Variants in YAE1 observed in about 807,000 individuals in gnomAD.
YAE1 encodes YAE1 maturation factor of ABCE1, also known as protein YAE1 homolog.
In YAE1, 22 loss-of-function variants were observed where a neutral mutation model predicts 23.0. That is an observed-to-expected ratio of 0.96 (90% confidence interval 0.68 to 1.37). YAE1 has a LOEUF of 1.37. YAE1 is among the 40% of genes most tolerant of loss of function. The pLI is 0.00. For synonymous variants in YAE1, 101 were observed against 97.0 expected (o/e 1.04, Z -0.24); for missense variants, 260 against 262.1 (o/e 0.99, Z 0.06).
At chr7:39,599,512 C>CT (rs201073256) in intron 2 of YAE1, among the ~76,000 whole-genome samples, 1,667 of 151,914 alleles carry the variant, frequency 0.011, 37 homozygotes, top group South Asian at 0.012. Context: ...AGAGCTGGGA[C>CT]TATAGGCATG....
At chr7:39,582,175 C>T (rs901335468) in intron 2 of YAE1, among the ~76,000 whole-genome samples, 4 of 151,656 alleles carry the variant, frequency 2.6e-5, no homozygotes, top group Non-Finnish European at 5.9e-5. Flanking sequence ...TATACCATGC[C>T]GGGCTAATTT....
chr7:39,591,504 A>T (rs1450109762), intron 2 of YAE1, among the ~76,000 whole-genome samples: 1 of 151,792 alleles, frequency 6.6e-6, no homozygotes, highest in Non-Finnish European at 1.5e-5. Context: ...TTCTTGAAGG[A>T]TTTTTTAAAA....
downstream of YAE1, among the ~76,000 whole-genome samples, chr7:39,611,451 G>C (rs896877307): frequency 2.6e-5 from 4 of 152,244 alleles, no homozygotes; most frequent in Non-Finnish European, 4.4e-5. Context: ...GCATAAGGTA[G>C]GTGAGTGCTG....
intron 2 of YAE1, among the ~76,000 whole-genome samples, chr7:39,587,359 G>A (rs1790835313): frequency 6.6e-6 from 1 of 151,762 alleles, no homozygotes; most frequent in African/African-American, 2.4e-5. Context: ...CTGGGCAACA[G>A]AGCGAGACTC....
At chr7:39,581,745 C>A (rs1790745462) in intron 2 of YAE1, among the ~76,000 whole-genome samples, 1 of 151,764 alleles carries the variant, frequency 6.6e-6, no homozygotes, top group Non-Finnish European at 1.5e-5. Context: ...GTAGTGCACA[C>A]CTATGGTCCC....
chr7:39,570,057 T>C, intron 1 of YAE1: 1 of 1,288,022 alleles, frequency 7.8e-7, no homozygotes, highest in Non-Finnish European at 1.1e-6. Flanking sequence ...AATTGTATCA[T>C]CCAGCCTCCT....
Position 39,570,623 on chromosome 7 carries a change from T to C in YAE1, c.247T>C (p.Leu83=), listed in dbSNP as rs754749686. The change falls in exon 2 of 3, where the codon TTG becomes CTG. Residue 83 remains leucine (L), a synonymous_variant. Transcript: ENST00000223273. ...ILNYGRLRGT[L]SALLSWCHLH... is the part of the protein sequence containing the mutation. ...AAACTATGGACGACTCCGAGGAACA[T>C]TGAGGTAATTTTTAAAGTCTAAATG... 3.6e-5 allele frequency: 58 copies of C among 1,590,340 alleles called. No homozygotes were observed. The Admixed American group carries it at 3.7e-4, about 10-fold the overall frequency.
chr7:39,575,575 A>AGTGAGTGAGT, downstream of YAE1, among the ~76,000 whole-genome samples: 1 of 81,790 alleles, frequency 1.2e-5, no homozygotes, highest in African/African-American at 7.3e-5. Flanking sequence ...AGAGAGAGAG[A>AGTGAGTGAGT]GAGTGAGTGT....
downstream of YAE1, among the ~76,000 whole-genome samples, chr7:39,574,203 G>A (rs1790619194): frequency 6.6e-6 from 1 of 152,154 alleles, no homozygotes. Context: ...GGCTACATAT[G>A]GTGTGTTTGT....
intron 1 of YAE1, among the ~76,000 whole-genome samples, chr7:39,567,904 T>G (rs1330847362): frequency 6.6e-6 from 1 of 152,180 alleles, no homozygotes; most frequent in East Asian, 1.9e-4. Flanking sequence ...GTGAAAACTA[T>G]GTATGCCCTT....
chr7:39,572,412 T>C lies in YAE1; in HGVS notation c.387T>C (p.His129=). Residue 129 remains histidine (H), a synonymous_variant, in exon 3 of 3, where the codon CAT becomes CAC. Coordinates refer to ENST00000223273, the MANE Select transcript of YAE1 (RefSeq NM_020192.5). Reference sequence around the variant, plus strand: ...TGAAATCAATCACTCCACCGTCCCATGTTGTAGATTTATTGGACTCCATTG... The same window carrying C: ...TGAAATCAATCACTCCACCGTCCCACGTTGTAGATTTATTGGACTCCATTG... The part of the protein sequence containing the change: ...KHLKSITPPS[H]VVDLLDSIED... The C allele has an allele frequency of 1.2e-6, 2 of 1,614,136 alleles. No homozygotes were observed. The highest frequency in any genetic ancestry group is 1.7e-6 in the Non-Finnish European group (2 of 1,179,984).
chr7:39,569,939 C>T (rs1320021330), intron 1 of YAE1: 1 of 1,325,948 alleles, frequency 7.5e-7, no homozygotes, highest in Non-Finnish European at 1.1e-6. Context: ...GTCCTGGCTG[C>T]TCTGTGACAT....
Position 39,609,898 on chromosome 7 carries a change from GC to G in YAE1, c.537del (p.Ala180ProfsTer32). On this transcript the variant is annotated frameshift_variant, in exon 3 of 3. Coordinates refer to the YAE1 transcript ENST00000432096. LOFTEE classifies it low-confidence loss of function (END_TRUNC). ...CCCCACCGCGACCCTGCAGCAGCCT[GC>G]CCCGCCTGGCCGCCAGAGGCACCTT... The G allele has an allele frequency of 6.5e-7, 1 of 1,531,290 alleles. No homozygotes were observed. Among genetic ancestry groups the G allele is most frequent in the Non-Finnish European group, 8.7e-7 (1 of 1,144,812 alleles). The allele number at this position is 1,531,290 out of a possible 1,614,324, so 94.9% of individuals were successfully genotyped here. A position where few individuals can be genotyped will look rare whatever the true frequency, so the allele number is the denominator to read the frequency against.
downstream of YAE1, among the ~76,000 whole-genome samples, chr7:39,611,437 G>A (rs560401722): frequency 7.9e-4 from 121 of 152,340 alleles, no homozygotes; most frequent in Non-Finnish European, 1.5e-3. Context: ...GAGTTTGCTC[G>A]GGGGCATAAG....
downstream of YAE1, among the ~76,000 whole-genome samples, chr7:39,610,946 G>A (rs989486629): frequency 5.3e-5 from 8 of 152,060 alleles, no homozygotes; most frequent in African/African-American, 1.4e-4. Flanking sequence ...AGGAGAGTTC[G>A]TGATCAGCCT....
At chr7:39,601,990 C>G (rs1387676524) in intron 2 of YAE1, among the ~76,000 whole-genome samples, 1 of 151,918 alleles carries the variant, frequency 6.6e-6, no homozygotes, top group Admixed American at 6.6e-5. Context: ...TCAATAGGTA[C>G]TGAATGGATG....
chr7:39,600,180 G>T (rs1351942667), intron 2 of YAE1, among the ~76,000 whole-genome samples: 1 of 152,096 alleles, frequency 6.6e-6, no homozygotes, highest in Non-Finnish European at 1.5e-5. Context: ...GGAAATAGAA[G>T]AACCACTAAT....
intron 1 of YAE1, among the ~76,000 whole-genome samples, chr7:39,567,844 A>C (rs772791703): frequency 6.6e-5 from 10 of 152,218 alleles, no homozygotes; most frequent in Non-Finnish European, 1.3e-4. Flanking sequence ...TGTCTACTAC[A>C]TAATGGTCAG....
At chr7:39,567,777 A>T (rs1762728830) in intron 1 of YAE1, among the ~76,000 whole-genome samples, 1 of 152,192 alleles carries the variant, frequency 6.6e-6, no homozygotes, top group African/African-American at 2.4e-5. Context: ...ATGCTACTAT[A>T]AGTCTAGTGG....
Sources: gnomAD v4.1 joint callset for allele counts (sites outside exome capture counted in the v4.1 genomes callset) on GRCh38, gnomAD v4.1.1 for gene constraint, MANE v1.5 for transcripts, NCBI Gene and HGNC (gene_info 2026-07-23, HGNC 2026-07-21) for gene names.